Variants in KIF1B observed in about 807,000 individuals in gnomAD.
KIF1B encodes the protein kinesin-like protein KIF1B.
Under a neutral mutation model 241.9 loss-of-function variants are expected in KIF1B, and 76 were observed. The observed-to-expected ratio is 0.31, with a 90% confidence interval of 0.26 to 0.38. The LOEUF (loss-of-function observed/expected upper bound fraction) is 0.38, where lower values mean the gene tolerates loss of function less well. KIF1B is among the 10% of genes least tolerant of loss of function. The probability of loss-of-function intolerance (pLI) is 1.00; values close to 1 mark genes in which losing one functional copy is unlikely to be tolerated. For missense variants in KIF1B, 1,622 were observed against 2,271.4 expected (o/e 0.71, Z 5.81); for synonymous variants, 750 against 796.7 (o/e 0.94, Z 0.99).
Position 10,337,383 on chromosome 1 carries a change from G to A in KIF1B, c.3272G>A (p.Ser1091Asn). ...SRINDLDLKS[S>N]TLLDGKMVME... ...TGACCCTCTTTAGATTTGAAGTCAAGCACTTTGCTGGATGGTAAGATGGTA... is the reference window on the plus strand; with the variant it reads ...TGACCCTCTTTAGATTTGAAGTCAAACACTTTGCTGGATGGTAAGATGGTA... The change falls in exon 31 of 49, where the codon AGC (serine) becomes AAC (asparagine). Residue 1091 changes from serine (S) to asparagine (N), a missense_variant. By Grantham distance (46) the Ser-to-Asn change is conservative. Coordinates refer to ENST00000676179, the MANE Select transcript of KIF1B (RefSeq NM_001365951.3). This position sits in a 1 kb window ranked among gnomAD's most constrained non-coding sequence, Gnocchi z 4.0. 6.2e-7 allele frequency: 1 copy of A among 1,614,224 alleles called. No individual in the cohort carries two copies. The highest frequency in any genetic ancestry group is 2.2e-5 in the East Asian group (1 of 44,890).
At chr1:10,290,631 G>T (rs1292913527) in intron 15 of KIF1B, among the ~76,000 whole-genome samples, 1 of 151,812 alleles carries the variant, frequency 6.6e-6, no homozygotes, top group Admixed American at 6.6e-5. Flanking sequence ...ACAGGCGCCT[G>T]CCACCATGCC....
At position 10,360,921 on chromosome 1, in the gene KIF1B, G is replaced by C; in HGVS notation, c.4056-8G>C. ...TTGGATGATTCCCTCTTGTCTTTCTGACCTTAGGACCTTCTACCGCTTTGA... is the reference window on the plus strand; with the variant it reads ...TTGGATGATTCCCTCTTGTCTTTCTCACCTTAGGACCTTCTACCGCTTTGA... On this transcript the variant is annotated splice_polypyrimidine_tract_variant and splice_region_variant and intron_variant, in intron 38 of 48. Transcript: ENST00000676179. 1 of 1,594,136 alleles carries C rather than the reference G, an allele frequency of 6.3e-7. No homozygotes were observed. Among genetic ancestry groups the C allele is most frequent in the Non-Finnish European group, 8.6e-7 (1 of 1,161,952 alleles).
intron 38 of KIF1B, chr1:10,355,384 A>G (rs547149703): frequency 6.6e-6 from 1 of 152,634 alleles, no homozygotes; most frequent in Non-Finnish European, 1.5e-5. Flanking sequence ...TTTCTTGATA[A>G]GGATATTCCT....
chr1:10,371,117 T>G, intron 44 of KIF1B, 24 bp from the exon 45 acceptor site: 1 of 1,614,152 alleles, frequency 6.2e-7, no homozygotes. Flanking sequence ...TGAATGTAAC[T>G]TGTAGTGTTC....
intron 22 of KIF1B, chr1:10,304,201 GA>G: frequency 1.9e-6 from 3 of 1,614,144 alleles, no homozygotes; most frequent in Non-Finnish European, 1.7e-6. Flanking sequence ...AGAGAGCCAA[GA>G]AAAAGGGGGT....
Position 10,366,232 on chromosome 1 carries a change from AAAAAT to A in KIF1B, c.4752+597_4752+601del, listed in dbSNP as rs1314901710. ...AGCGACAGAGTGACACTCCATCTCA[AAAAAT>A]AAAATAAAATAATAAAAAATTAAAA... On this transcript the variant is annotated intron_variant, in intron 43 of 48. Transcript: ENST00000676179. Among the ~76,000 whole-genome samples the A allele has an allele frequency of 2.0e-4, 30 of 152,292 alleles. No individual in the cohort carries two copies. In the South Asian group the frequency reaches 2.9e-3, roughly 15 times the overall value.
chr1:10,277,434 G>C (rs1649177290), intron 12 of KIF1B, among the ~76,000 whole-genome samples: 1 of 152,154 alleles, frequency 6.6e-6, no homozygotes, highest in Non-Finnish European at 1.5e-5. Flanking sequence ...ACCTGGGCTC[G>C]TGTGATTCTC....
intron 5 of KIF1B, among the ~76,000 whole-genome samples, chr1:10,265,681 CA>C (rs960920298): frequency 1.3e-4 from 20 of 151,380 alleles, no homozygotes; most frequent in African/African-American, 4.4e-4. Context: ...CCTGTCTCTG[CA>C]AAAAAAAATT....
At chr1:10,315,585 C>A (rs1352689165) in intron 22 of KIF1B, among the ~76,000 whole-genome samples, 3 of 151,412 alleles carry the variant, frequency 2.0e-5, no homozygotes, top group African/African-American at 4.9e-5. Context: ...TTAATTAAAT[C>A]AAAAATTAGG....
At chr1:10,256,804 G>A (rs971788940) in intron 3 of KIF1B, among the ~76,000 whole-genome samples, 2 of 151,750 alleles carry the variant, frequency 1.3e-5, no homozygotes, top group African/African-American at 4.8e-5. Flanking sequence ...CTCCGCCTCC[G>A]AGGTTCAAGC....
At chr1:10,346,374 G>GT (rs61561236) in intron 35 of KIF1B, among the ~76,000 whole-genome samples, 46,269 of 151,196 alleles carry the variant, frequency 0.31, 7,197 homozygotes, top group Middle Eastern at 0.38. Context: ...TTTGTTTTTT[G>GT]TTTTTTTTGA....
intron 32 of KIF1B, 96 bp downstream of exon 32, chr1:10,339,955 G>A (rs770619342): frequency 7.0e-6 from 7 of 1,002,336 alleles, no homozygotes; most frequent in Non-Finnish European, 1.1e-5. Context: ...CAAGTCACTG[G>A]CTGTGCAGGG....
chr1:10,326,494 T>G lies in KIF1B; in HGVS notation c.2924+135T>G. ...TGCTCTTTTTCAAGTTCTCCAATAC[T>G]TCAAGCTCTTAGTCAGTGCTGGTCT... On this transcript the variant is annotated intron_variant, in intron 27 of 48. Transcript: ENST00000676179. This position sits in a 1 kb window ranked among gnomAD's most constrained non-coding sequence, Gnocchi z 5.2. 4 of 1,169,514 alleles carry G rather than the reference T, an allele frequency of 3.4e-6. No homozygotes were observed. In the South Asian group the frequency reaches 5.0e-5, roughly 15 times the overall value. The allele number at this position is 1,169,514 out of a possible 1,614,324, so 72.4% of individuals were successfully genotyped here. A position where few individuals can be genotyped will look rare whatever the true frequency, so the allele number is the denominator to read the frequency against.
intron 38 of KIF1B, among the ~76,000 whole-genome samples, chr1:10,356,562 C>G (rs1221908862): frequency 6.6e-6 from 1 of 150,838 alleles, no homozygotes; most frequent in Non-Finnish European, 1.5e-5. Flanking sequence ...GCTTTGTTGC[C>G]CAGGCTAGAG....
intron 22 of KIF1B, chr1:10,306,180 CTTTGAGAGA>C: frequency 9.6e-7 from 1 of 1,039,114 alleles, no homozygotes; most frequent in Non-Finnish European, 1.2e-6. Context: ...AAAAGAGAAG[CTTTGAGAGA>C]TATTTTTGCT....
intron 45 of KIF1B, 42 bp downstream of exon 45, chr1:10,371,304 C>T (rs769369193): frequency 6.2e-7 from 1 of 1,610,786 alleles, no homozygotes; most frequent in East Asian, 2.2e-5. Context: ...ATCTAAGAAC[C>T]AAGGTAAATG....
chr1:10,376,868 TAC>T lies in KIF1B; in HGVS notation c.*285_*286del. The T allele has an allele frequency of 3.6e-6, 1 of 278,262 alleles. No homozygotes were observed. The highest frequency in any genetic ancestry group is 6.5e-6 in the Non-Finnish European group (1 of 152,698). The allele number at this position is 278,262 out of a possible 1,614,324, so 17.2% of individuals were successfully genotyped here. On this transcript the variant is annotated 3_prime_UTR_variant, in exon 49 of 49. Coordinates refer to ENST00000676179, the MANE Select transcript of KIF1B (RefSeq NM_001365951.3). ...ACACACACACACACACACACACACA[TAC>T]ACAGACAAAAACACAAAAACTCTGA...
Position 10,256,166 on chromosome 1 carries a change from T to C in KIF1B, c.107-81T>C, listed in dbSNP as rs1224585029. 15 of 901,948 alleles carry C rather than the reference T, an allele frequency of 1.7e-5. No individual in the cohort carries two copies. The South Asian group carries it at 1.8e-4, about 11-fold the overall frequency. 55.9% of individuals were successfully genotyped at this position (901,948 alleles called of 1,614,324 possible). ...TGGTATGAATTTACTGATTGGGATG[T>C]TTTGAACACACAGAATAACATGTTT... On this transcript the variant is annotated intron_variant, in intron 2 of 48. Coordinates refer to ENST00000676179, the MANE Select transcript of KIF1B (RefSeq NM_001365951.3).
intron 1 of KIF1B, among the ~76,000 whole-genome samples, chr1:10,228,623 A>G (rs1249671391): frequency 6.6e-6 from 1 of 152,130 alleles, no homozygotes; most frequent in Non-Finnish European, 1.5e-5. Context: ...CTAGACTGGG[A>G]GAGTCTAGAC....
Sources: gnomAD v4.1 joint callset for allele counts (sites outside exome capture counted in the v4.1 genomes callset) on GRCh38, gnomAD v4.1.1 for gene constraint, Gnocchi (gnomAD v3.1) non-coding constraint, MANE v1.5 for transcripts, NCBI Gene and HGNC (gene_info 2026-07-23, HGNC 2026-07-21) for gene names.